PAX3: variants seen among roughly 807,000 people sequenced by gnomAD.
The protein encoded by PAX3 is paired box protein Pax-3.
In PAX3, 14 loss-of-function variants were observed where a neutral mutation model predicts 51.6. That is an observed-to-expected ratio of 0.27 (90% confidence interval 0.18 to 0.42). PAX3 has a LOEUF of 0.42. PAX3 is among the 10% of genes least tolerant of loss of function. The pLI is 1.00. For missense variants in PAX3, 540 were observed against 642.8 expected, an observed-to-expected ratio of 0.84 and a Z score of 1.73; for synonymous variants, 280 against 253.4, an observed-to-expected ratio of 1.11 and a Z score of -1.00.
chr2:222,293,094 G>A (rs1255797482), intron 4 of PAX3, among the ~76,000 whole-genome samples: 1 of 152,158 alleles, frequency 6.6e-6, no homozygotes, highest in South Asian at 2.1e-4. Context: ...GTCGGCAACG[G>A]CTGTGAGCCC....
At chr2:222,268,004 C>T (rs1375988918) in intron 4 of PAX3, among the ~76,000 whole-genome samples, 1 of 152,064 alleles carries the variant, frequency 6.6e-6, no homozygotes, top group Non-Finnish European at 1.5e-5. Context: ...TTACAAAGGC[C>T]ATAACTTTTA....
In PAX3 at chr2:222,200,917, T is replaced by C; in HGVS notation, c.*491A>G. The C allele has an allele frequency of 1.9e-6, 1 of 533,804 alleles. No homozygotes were observed. The highest frequency in any genetic ancestry group is 2.4e-5 in the South Asian group (1 of 42,444). 33.1% of individuals were successfully genotyped at this position (533,804 alleles called of 1,614,324 possible). The stretch of plus-strand genomic sequence containing the variant: ...ATTCCTCCATTCTTGCTTCATGAAA[T>C]GAGCAGTTTTAAAGTTGTAGAAGTA... On this transcript the variant is annotated 3_prime_UTR_variant, in exon 9 of 9. Transcript: ENST00000392070.
chr2:222,265,274 T>C lies in PAX3; in HGVS notation c.586+28893A>G, dbSNP rs1456823164. On this transcript the variant is annotated intron_variant, in intron 4 of 8. Coordinates refer to ENST00000392070, the MANE Select transcript of PAX3 (RefSeq NM_181458.4). ...GGGTTTCTGGGCAACGCCTAGTTTC[T>C]CCTGTTACCCTTACTTTAAAATAAA... The C allele has an allele frequency of 2.0e-5, 3 of 152,270 alleles. No individual in the cohort carries two copies. In the East Asian group the frequency reaches 5.8e-4, roughly 29 times the overall value. The allele number at this position is 152,270 out of a possible 1,614,324, so 9.4% of individuals were successfully genotyped here.
chr2:222,228,542 A>G (rs895271358), intron 5 of PAX3, among the ~76,000 whole-genome samples: 4 of 152,150 alleles, frequency 2.6e-5, no homozygotes, highest in African/African-American at 9.7e-5. Flanking sequence ...ACAACACCGA[A>G]CACTCCTCAG....
chr2:222,238,770 T>C (rs1692893525), intron 4 of PAX3, among the ~76,000 whole-genome samples: 1 of 152,178 alleles, frequency 6.6e-6, no homozygotes, highest in South Asian at 2.1e-4. Context: ...AAGATAAAAA[T>C]AAGAATCCTT....
intron 4 of PAX3, among the ~76,000 whole-genome samples, chr2:222,286,494 A>T (rs1694838917): frequency 6.6e-6 from 1 of 152,276 alleles, no homozygotes; most frequent in Non-Finnish European, 1.5e-5. Flanking sequence ...CACCTCAGTA[A>T]GAGGTGGACA....
chr2:222,248,569 C>T (rs181883490), intron 4 of PAX3, among the ~76,000 whole-genome samples: 2 of 152,332 alleles, frequency 1.3e-5, no homozygotes, highest in Non-Finnish European at 2.9e-5. Flanking sequence ...TGCAACCACA[C>T]TTATTTCTCT....
At chr2:222,262,782 G>A (rs1451338812) in intron 4 of PAX3, 1 of 152,014 alleles carries the variant, frequency 6.6e-6, no homozygotes, top group Non-Finnish European at 1.5e-5. Context: ...GAAAGACACA[G>A]ATATATATAT....
At chr2:222,255,173 A>G (rs1024514575) in intron 4 of PAX3, among the ~76,000 whole-genome samples, 1 of 152,214 alleles carries the variant, frequency 6.6e-6, no homozygotes, top group Non-Finnish European at 1.5e-5. Context: ...ACATTCATTT[A>G]TAGATTTCAC....
chr2:222,240,695 T>C (rs1692980639), intron 4 of PAX3, among the ~76,000 whole-genome samples: 1 of 152,192 alleles, frequency 6.6e-6, no homozygotes, highest in South Asian at 2.1e-4. Flanking sequence ...TTTCGAAGGC[T>C]TAAAGTGAAG....
chr2:222,236,662 TAGC>T (rs1375671769), intron 4 of PAX3, among the ~76,000 whole-genome samples: 1 of 152,230 alleles, frequency 6.6e-6, no homozygotes, highest in African/African-American at 2.4e-5. Context: ...ACAAATGTGT[TAGC>T]AGGACAGTTG....
intron 5 of PAX3, among the ~76,000 whole-genome samples, chr2:222,224,505 G>A (rs1376271287): frequency 1.3e-5 from 2 of 152,090 alleles, no homozygotes; most frequent in Non-Finnish European, 2.9e-5. Flanking sequence ...CACTAACTTT[G>A]CAAATTAAGA....
At position 222,256,366 on chromosome 2, in the gene PAX3, C is replaced by G. The variant is rs45526833; in HGVS notation, c.587-24083G>C. 2.3e-4 allele frequency among the ~76,000 whole-genome samples: 35 copies of G among 152,156 alleles called. No homozygotes were observed. The East Asian group carries it at 6.0e-3, about 26-fold the overall frequency. Reference sequence around the variant, plus strand: ...GGACGACGCCTTGATAGGAGCAGGACGTCCTCTCATCCCAATAATGCCATC... The same window carrying G: ...GGACGACGCCTTGATAGGAGCAGGAGGTCCTCTCATCCCAATAATGCCATC... On this transcript the variant is annotated intron_variant, in intron 4 of 8. Transcript: ENST00000392070.
At chr2:222,265,345 T>C (rs1012318679) in intron 4 of PAX3, among the ~76,000 whole-genome samples, 4 of 152,186 alleles carry the variant, frequency 2.6e-5, no homozygotes, top group African/African-American at 9.6e-5. Flanking sequence ...TCTGTTAGCC[T>C]CTTGTGTATC....
chr2:222,227,365 A>AG (rs1431411259), intron 5 of PAX3, among the ~76,000 whole-genome samples: 1 of 152,156 alleles, frequency 6.6e-6, no homozygotes, highest in Non-Finnish European at 1.5e-5. Flanking sequence ...AGGCCAAAAA[A>AG]TAGGAGGATT....
At chr2:222,296,547 G>A (rs966488625) in intron 2 of PAX3, among the ~76,000 whole-genome samples, 1 of 152,048 alleles carries the variant, frequency 6.6e-6, no homozygotes, top group African/African-American at 2.4e-5. Flanking sequence ...CTGAGGGCGG[G>A]GTTTGGGAGA....
At chr2:222,206,371 T>C (rs561200531) in intron 7 of PAX3, among the ~76,000 whole-genome samples, 1 of 152,126 alleles carries the variant, frequency 6.6e-6, no homozygotes, top group Non-Finnish European at 1.5e-5. Context: ...TCTTTCTTTT[T>C]ACTTTTAGTT....
At chr2:222,261,875 T>C (rs1024497732) in intron 4 of PAX3, among the ~76,000 whole-genome samples, 12 of 152,202 alleles carry the variant, frequency 7.9e-5, no homozygotes, top group Non-Finnish European at 1.8e-4. Context: ...CTGAAAATAA[T>C]TTTGAGTGTT....
intron 7 of PAX3, among the ~76,000 whole-genome samples, chr2:222,217,254 T>C (rs1370949051): frequency 4.6e-5 from 7 of 152,156 alleles, no homozygotes; most frequent in Non-Finnish European, 2.9e-5. Flanking sequence ...GAGGAGAAGA[T>C]AGAAGATTAA....
Sources: gnomAD v4.1 joint callset for allele counts (sites outside exome capture counted in the v4.1 genomes callset) on GRCh38, gnomAD v4.1.1 for gene constraint, MANE v1.5 for transcripts, NCBI Gene and HGNC (gene_info 2026-07-23, HGNC 2026-07-21) for gene names.